The following IL25 variants were observed in gnomAD, a reference collection of about 807,000 sequenced individuals.
IL25 encodes the protein interleukin 25.
A neutral mutation model predicts 13.2 loss-of-function variants in IL25; 10 were observed. The observed-to-expected ratio is 0.76, with a 90% confidence interval of 0.47 to 1.29. The LOEUF is 1.29. Among genes scored for constraint, IL25 ranks in the 50% most tolerant of loss-of-function variants. IL25 has a pLI of 0.00. For synonymous variants in IL25, 107 were observed against 92.1 expected (o/e 1.16, Z -0.93); for missense variants, 235 against 232.4 (o/e 1.01, Z -0.07).
exon 1 of IL25, chr14:23,373,311 G>C (rs1384197854): frequency 1.9e-6 from 3 of 1,614,004 alleles, no homozygotes; most frequent in Non-Finnish European, 2.5e-6. Context: ...CCTAGAGCCT[G>C]CTAGGCCCAA....
rs747167983 is a variant in IL25 at position 23,373,336 on chromosome 14, C to A, written c.218C>A (p.Ser73Tyr). ...GCTAGGCCCAACCGCCACCCAGAGTCCTGTAGGGCCAGTGAAGATGGACCC... is the reference window on the plus strand; with the variant it reads ...GCTAGGCCCAACCGCCACCCAGAGTACTGTAGGGCCAGTGAAGATGGACCC... The change falls in exon 1 of 2, where the codon TCC becomes TAC. Residue 73 changes from serine to tyrosine, a missense_variant. Ser to Tyr is a moderately radical substitution (Grantham distance 144, BLOSUM62 -2). Transcript: ENST00000329715. The A allele has an allele frequency of 1.9e-6, 3 of 1,613,998 alleles. No individual in the cohort carries two copies. The highest frequency in any genetic ancestry group is 1.7e-5 in the Admixed American group (1 of 60,012).
At chr14:23,372,956 C>G (rs763258016) in exon 1 of IL25, 5 of 1,613,322 alleles carry the variant, frequency 3.1e-6, no homozygotes, top group Non-Finnish European at 4.2e-6. Flanking sequence ...ACTGAGTGTG[C>G]AGTGCCCAGC....
Position 23,375,617 on chromosome 14 carries a change from C to A in IL25, c.279-8C>A. 3 of 1,610,868 alleles carry A rather than the reference C, an allele frequency of 1.9e-6. No homozygotes were observed. Among genetic ancestry groups the A allele is most frequent in the South Asian group, 2.2e-5 (2 of 90,976 alleles). On this transcript the variant is annotated splice_polypyrimidine_tract_variant and splice_region_variant and intron_variant, in intron 1 of 1. Transcript: ENST00000329715. ...CTTTCCAAGGCCTGACAAGTGCCGC[C>A]CCCACAGGTTGGACAGAGACTTGAA...
chr14:23,373,379 C>A (rs11465505), exon 1 of IL25: 1 of 1,612,440 alleles, frequency 6.2e-7, no homozygotes, highest in African/African-American at 1.3e-5. Flanking sequence ...GCAGGGCCAT[C>A]TCCCCCTGGA....
At chr14:23,373,050 C>T in exon 1 of IL25, 1 of 1,613,774 alleles carries the variant, frequency 6.2e-7, no homozygotes, top group Non-Finnish European at 8.5e-7. Context: ...TGGAGGGAGG[C>T]CAAGCTGCCA....
At chr14:23,373,601 G>T (rs892659572) in intron 1 of IL25, among the ~76,000 whole-genome samples, 4 of 144,816 alleles carry the variant, frequency 2.8e-5, no homozygotes, top group African/African-American at 5.1e-5. Flanking sequence ...AAAACTCAGG[G>T]TTTTTTTTTT....
intron 1 of IL25, among the ~76,000 whole-genome samples, chr14:23,374,734 T>C (rs1443993074): frequency 1.3e-3 from 96 of 72,420 alleles, no homozygotes; most frequent in African/African-American, 3.0e-3. Context: ...TTCTTTCTTT[T>C]TTTTTTTTTG....
chr14:23,375,672 G>A (rs767430645), exon 2 of IL25: 211 of 1,614,012 alleles, frequency 1.3e-4, no homozygotes, highest in East Asian at 1.8e-4. Flanking sequence ...TACCACGCCC[G>A]TTGCCTGTGC....
chr14:23,375,181 T>C (rs11465519), intron 1 of IL25, among the ~76,000 whole-genome samples: 10 of 151,704 alleles, frequency 6.6e-5, no homozygotes, highest in African/African-American at 1.9e-4. Flanking sequence ...ACCCAGGAGG[T>C]AGAGGTTGCA....
chr14:23,375,312 A>G (rs1890513652), intron 1 of IL25, among the ~76,000 whole-genome samples: 1 of 152,250 alleles, frequency 6.6e-6, no homozygotes, highest in Non-Finnish European at 1.5e-5. Context: ...AAGAAACCTC[A>G]TGCTGAGTCA....
At chr14:23,374,007 T>C (rs1890478262) in intron 1 of IL25, among the ~76,000 whole-genome samples, 1 of 152,214 alleles carries the variant, frequency 6.6e-6, no homozygotes, top group Non-Finnish European at 1.5e-5. Flanking sequence ...TATTAGGAAG[T>C]GCTGAAATAT....
chr14:23,376,098 C>T, exon 2 of IL25: 1 of 597,664 alleles, frequency 1.7e-6, no homozygotes, highest in Non-Finnish European at 2.9e-6. Context: ...AGCTGGTGTC[C>T]TGTCATTTTC....
Position 23,374,936 on chromosome 14 carries a change from G to A in IL25, c.279-689G>A, listed in dbSNP as rs199868356. 3.3e-5 allele frequency among the ~76,000 whole-genome samples: 5 copies of A among 152,206 alleles called. No homozygotes were observed. The East Asian group carries it at 9.6e-4, about 29-fold the overall frequency. Reference sequence around the variant, plus strand: ...TACTCTTTAATACTTGGATGTCAGAGTGGTTTTTACTTTTGCAATAATGCT... The same window carrying A: ...TACTCTTTAATACTTGGATGTCAGAATGGTTTTTACTTTTGCAATAATGCT... On this transcript the variant is annotated intron_variant, in intron 1 of 1. Transcript: ENST00000329715.
intron 1 of IL25, among the ~76,000 whole-genome samples, chr14:23,373,866 AC>A (rs1184791986): frequency 1.3e-5 from 2 of 152,260 alleles, no homozygotes; most frequent in South Asian, 4.1e-4. Flanking sequence ...GAAACCCTTA[AC>A]TTTTGGGGGC....
intron 1 of IL25, among the ~76,000 whole-genome samples, chr14:23,374,672 A>C (rs750220046): frequency 2.6e-5 from 4 of 151,618 alleles, no homozygotes; most frequent in Non-Finnish European, 4.4e-5. Context: ...AGACTAATGG[A>C]GTCGCAGACC....
At position 23,372,983 on chromosome 14, in the gene IL25, C is replaced by T. The variant is rs764865200; in HGVS notation, c.-136C>T. 1.2e-6 allele frequency: 2 copies of T among 1,613,752 alleles called. No homozygotes were observed. Among genetic ancestry groups the T allele is most frequent in the African/African-American group, 2.7e-5 (2 of 74,914 alleles). Reference sequence around the variant, plus strand: ...GTGCCCAGCATGTACCAGGTCAGTGCAGAGGGCTGCCTGAGGGCTGTGCTG... The same window carrying T: ...GTGCCCAGCATGTACCAGGTCAGTGTAGAGGGCTGCCTGAGGGCTGTGCTG... On this transcript the variant is annotated 5_prime_UTR_variant, in exon 1 of 2. Coordinates refer to ENST00000329715, the Ensembl canonical transcript of IL25.
exon 1 of IL25, chr14:23,373,153 C>T: frequency 6.2e-7 from 1 of 1,614,180 alleles, no homozygotes; most frequent in East Asian, 2.2e-5. Context: ...GAGGACAGTT[C>T]TCTCATTAGC....
chr14:23,374,722 CTTTCTTTCTTT>C (rs1890491617), intron 1 of IL25, among the ~76,000 whole-genome samples: 1 of 118,162 alleles, frequency 8.5e-6, no homozygotes, highest in Non-Finnish European at 1.6e-5. Flanking sequence ...ATCTTTCTTT[CTTTCTTTCTTT>C]TTTTTTTTTT....
exon 1 of IL25, chr14:23,373,119 A>G: frequency 6.2e-7 from 1 of 1,614,034 alleles, no homozygotes; most frequent in Admixed American, 1.7e-5. Context: ...GAGGGTGCAG[A>G]TGAGGGAGCG....
Sources: gnomAD v4.1 joint callset for allele counts (sites outside exome capture counted in the v4.1 genomes callset) on GRCh38, gnomAD v4.1.1 for gene constraint, MANE v1.5 for transcripts, NCBI Gene and HGNC (gene_info 2026-07-23, HGNC 2026-07-21) for gene names.